Variants in HEATR4 observed in about 807,000 individuals in gnomAD.
HEATR4 encodes the protein HEAT repeat containing 4, also known as HEAT repeat-containing protein 4.
HEATR4 carries 95 observed loss-of-function variants against 108.8 expected under a neutral mutation model. That is an observed-to-expected ratio of 0.87 (90% CI 0.74 to 1.04). The LOEUF (loss-of-function observed/expected upper bound fraction) is 1.04, where lower values mean the gene tolerates loss of function less well. HEATR4 is among the 50% of genes least tolerant of loss of function. The pLI, the probability that HEATR4 is intolerant of heterozygous loss-of-function variation, is 0.00. For synonymous variants in HEATR4, 443 were observed against 459.4 expected, an observed-to-expected ratio of 0.96 and a Z score of 0.46; for missense variants, 1,152 against 1,253.8, an observed-to-expected ratio of 0.92 and a Z score of 1.23.
At chr14:73,546,149 A>G (rs1362645874) in intron 1 of HEATR4, among the ~76,000 whole-genome samples, 1 of 110,664 alleles carries the variant, frequency 9.0e-6, no homozygotes, top group African/African-American at 2.9e-5. Flanking sequence ...ACCCAGCTAA[A>G]TTTTGTATTT....
the HEATR4 span, among the ~76,000 whole-genome samples, chr14:73,572,417 A>G: frequency 6.6e-6 from 1 of 151,996 alleles, no homozygotes; most frequent in African/African-American, 2.4e-5. Flanking sequence ...AGGAGAACAC[A>G]TTCAGTATCA....
chr14:73,487,904 T>A (rs544539769), intron 17 of HEATR4, among the ~76,000 whole-genome samples: 2 of 152,176 alleles, frequency 1.3e-5, no homozygotes, highest in South Asian at 4.1e-4. Context: ...AAGGATGATA[T>A]AGGTAAGCAA....
At chr14:73,491,577 G>T in intron 17 of HEATR4, 1 of 1,542,862 alleles carries the variant, frequency 6.5e-7, no homozygotes. Flanking sequence ...CCGCTGCGGC[G>T]CGTCTTGGCC....
chr14:73,619,131 A>G, the HEATR4 span: 1 of 1,437,386 alleles, frequency 7.0e-7, no homozygotes, highest in Non-Finnish European at 9.2e-7. Context: ...CTCCATCTCA[A>G]AAAAGAAAAA....
the HEATR4 span, among the ~76,000 whole-genome samples, chr14:73,570,123 T>C: frequency 3.9e-4 from 58 of 150,302 alleles, no homozygotes; most frequent in Non-Finnish European, 3.9e-4. Flanking sequence ...TTTTTTTTTT[T>C]CCGTCCCTGC....
chr14:73,537,797 G>A (rs746571011), intron 1 of HEATR4: 4 of 1,223,152 alleles, frequency 3.3e-6, no homozygotes, highest in Non-Finnish European at 4.3e-6. Context: ...GGTGCGGCAC[G>A]AGCGCTACTT....
the HEATR4 span, among the ~76,000 whole-genome samples, chr14:73,583,487 A>G: frequency 6.6e-6 from 1 of 151,970 alleles, no homozygotes; most frequent in Non-Finnish European, 1.5e-5. Flanking sequence ...AGTTACATAG[A>G]GCTGAGCAGG....
At chr14:73,513,016 A>C (rs1456974587) in intron 6 of HEATR4, among the ~76,000 whole-genome samples, 2 of 152,226 alleles carry the variant, frequency 1.3e-5, no homozygotes, top group Non-Finnish European at 2.9e-5. Flanking sequence ...TTGAAGGCAA[A>C]GTAGGTATAG....
At chr14:73,539,814 C>T (rs2140312310) in intron 1 of HEATR4, 1 of 116,162 alleles carries the variant, frequency 8.6e-6, no homozygotes, top group South Asian at 2.7e-4. Context: ...TCTCGGGATC[C>T]TAGGGGTATG....
chr14:73,582,557 A>C, the HEATR4 span: 1 of 151,804 alleles, frequency 6.6e-6, no homozygotes, highest in Non-Finnish European at 1.5e-5. Flanking sequence ...CATAGACAGC[A>C]TGAGCATTTT....
rs1198844444 is a variant in HEATR4 at position 73,546,820 on chromosome 14, C to T, written c.-152+11931G>A. 2.7e-5 allele frequency among the ~76,000 whole-genome samples: 3 copies of T among 110,826 alleles called. 1 individual carries two copies. The highest frequency in any genetic ancestry group is 8.4e-5 in the African/African-American group (3 of 35,680). The allele number at this position is 110,826 out of a possible 152,430, so 72.7% of individuals were successfully genotyped here. A position where few individuals can be genotyped will look rare whatever the true frequency, so the allele number is the denominator to read the frequency against. On this transcript the variant is annotated intron_variant, in intron 1 of 17. Coordinates refer to ENST00000553558, the MANE Select transcript of HEATR4 (RefSeq NM_001220484.1). ...TGAAAACAGAGGTTGGGTGCAGTGG[C>T]TTATGCCTGTAATCCCAGCACTTTG...
the HEATR4 span, chr14:73,573,406 G>T: frequency 8.7e-6 from 14 of 1,613,528 alleles, no homozygotes; most frequent in Non-Finnish European, 1.1e-5. Flanking sequence ...CCCTTTCCTG[G>T]GATTGTGGAC....
At chr14:73,588,863 A>G in the HEATR4 span, among the ~76,000 whole-genome samples, 1 of 152,166 alleles carries the variant, frequency 6.6e-6, no homozygotes, top group Non-Finnish European at 1.5e-5. Flanking sequence ...CCTCAGATTA[A>G]AAGTCTGATG....
intron 9 of HEATR4, among the ~76,000 whole-genome samples, chr14:73,507,718 G>A (rs1417247026): frequency 6.6e-6 from 1 of 151,950 alleles, no homozygotes. Flanking sequence ...TTACAGGCGT[G>A]AGCGACCATG....
At chr14:73,481,807 T>C (rs2140239662) in intron 17 of HEATR4, among the ~76,000 whole-genome samples, 1 of 152,002 alleles carries the variant, frequency 6.6e-6, no homozygotes. Context: ...ATCGTGCCAC[T>C]GCACTCCAGC....
At chr14:73,573,265 CGTGGGTAGATACCTAGGA>C in the HEATR4 span, 38 of 1,399,836 alleles carry the variant, frequency 2.7e-5, no homozygotes, top group Non-Finnish European at 3.6e-5. Context: ...TTTCATTTCT[CGTGGGTAGATACCTAGGA>C]GTGGGATTGC....
At position 73,478,525 on chromosome 14, in the gene HEATR4, G is replaced by C; in HGVS notation, c.*81C>G. The C allele has an allele frequency of 1.1e-6, 1 of 870,026 alleles. No individual in the cohort carries two copies. Among genetic ancestry groups the C allele is most frequent in the Non-Finnish European group, 1.9e-6 (1 of 533,910 alleles). The allele number at this position is 870,026 out of a possible 1,614,324, so 53.9% of individuals were successfully genotyped here. A position where few individuals can be genotyped will look rare whatever the true frequency, so the allele number is the denominator to read the frequency against. ...CTCTTTATAAACATAGTGACAACAA[G>C]ATTGTACAGTATCAATTAAAAAGAC... is the stretch of plus-strand genomic sequence containing the variant. On this transcript the variant is annotated 3_prime_UTR_variant, in exon 18 of 18. Coordinates refer to ENST00000553558, the MANE Select transcript of HEATR4 (RefSeq NM_001220484.1).
At chr14:73,500,523 A>G (rs1359233635) in intron 12 of HEATR4, 27 bp downstream of exon 12, 1 of 1,605,390 alleles carries the variant, frequency 6.2e-7, no homozygotes, top group Non-Finnish European at 8.5e-7. Flanking sequence ...CAATCAGGTA[A>G]GATGAGAATA....
chr14:73,493,825 G>A (rs1040945675), intron 16 of HEATR4, among the ~76,000 whole-genome samples: 4 of 152,144 alleles, frequency 2.6e-5, no homozygotes, highest in Admixed American at 6.5e-5. Context: ...GCAACAGAGC[G>A]AGACTCCGTC....
Sources: gnomAD v4.1 joint callset for allele counts (sites outside exome capture counted in the v4.1 genomes callset) on GRCh38, gnomAD v4.1.1 for gene constraint, MANE v1.5 for transcripts, NCBI Gene and HGNC (gene_info 2026-07-23, HGNC 2026-07-21) for gene names.